ATP5PO: variants seen among roughly 807,000 people sequenced by gnomAD.
ATP5PO encodes the protein ATP synthase peripheral stalk subunit OSCP.
In ATP5PO, 14 loss-of-function variants were observed where a neutral mutation model predicts 26.2. That is an observed-to-expected ratio of 0.53 (90% confidence interval 0.35 to 0.83). The LOEUF (loss-of-function observed/expected upper bound fraction) is 0.83. Ranked by LOEUF, ATP5PO falls within the 40% of genes least tolerant of loss-of-function variation. ATP5PO has a pLI of 0.01. For missense variants in ATP5PO, 241 were observed against 258.5 expected (o/e 0.93, Z 0.46); for synonymous variants, 106 against 95.1 (o/e 1.12, Z -0.67).
chr21:33,909,240 A>G (rs1987216361), intron 3 of ATP5PO, 29 bp from the exon 4 acceptor site: 1 of 1,602,736 alleles, frequency 6.2e-7, no homozygotes, highest in African/African-American at 1.3e-5. Context: ...AATTTCTTAA[A>G]TTTTTTAGAG....
intron 5 of ATP5PO, chr21:33,906,352 C>A (rs1157760480): frequency 4.2e-6 from 1 of 240,198 alleles, no homozygotes; most frequent in East Asian, 1.4e-4. Flanking sequence ...ATATTGAAGA[C>A]AACAACAAAA....
chr21:33,914,496 C>A lies in ATP5PO; in HGVS notation c.41G>T (p.Arg14Leu). The A allele has an allele frequency of 6.2e-7, 1 of 1,612,622 alleles. No individual in the cohort carries two copies. ...PAVSGLSRQV[R>L]CFSTSVVRPF... The stretch of plus-strand genomic sequence containing the variant: ...TCTGACCACAGAGGTACTGAAGCAT[C>A]GCACCTTCAAAGCAATAAAGGAAAA... Residue 14 changes from arginine to leucine, a missense_variant, in exon 2 of 7, where the codon CGA (arginine) becomes CTA (leucine). This residue lies in a region of ATP5PO where 125 missense variants were observed against 108.5 expected (regional missense o/e 1.15). Transcript: ENST00000290299.
chr21:33,904,771 C>T (rs116957430), intron 5 of ATP5PO, among the ~76,000 whole-genome samples: 2,908 of 152,290 alleles, frequency 0.019, 35 homozygotes, highest in Middle Eastern at 0.031. Context: ...GACCGAGTCT[C>T]GCTCTGTCAC....
chr21:33,915,723 C>T lies in ATP5PO; in HGVS notation c.36+5G>A. 6.4e-7 allele frequency: 1 copy of T among 1,572,656 alleles called. No individual in the cohort carries two copies. The highest frequency in any genetic ancestry group is 8.6e-7 in the Non-Finnish European group (1 of 1,158,894). On this transcript the variant is annotated splice_donor_5th_base_variant and intron_variant, in intron 1 of 6. Transcript: ENST00000290299. ...CACTGGCTCTCAGGACCACCTTTCT[C>T]TCACCTGCCGGGAGAGCCCGGACAC...
At chr21:33,914,356 A>G in intron 2 of ATP5PO, 94 bp downstream of exon 2, 1 of 1,256,514 alleles carries the variant, frequency 8.0e-7, no homozygotes, top group Non-Finnish European at 1.1e-6. Flanking sequence ...AGGTTTAGAT[A>G]GTAACTACAC....
At chr21:33,903,894 A>C in intron 6 of ATP5PO, 41 bp downstream of exon 6, 2 of 1,535,954 alleles carry the variant, frequency 1.3e-6, no homozygotes, top group Non-Finnish European at 1.8e-6. Flanking sequence ...TTAAGCTTAA[A>C]ATAACCCGAG....
intron 1 of ATP5PO, 60 bp from the exon 2 acceptor site, chr21:33,914,560 A>G (rs774415235): frequency 4.0e-6 from 6 of 1,507,464 alleles, no homozygotes; most frequent in Non-Finnish European, 5.5e-6. Flanking sequence ...TCTGCATTTA[A>G]CTCAATAACA....
At position 33,907,444 on chromosome 21, in the gene ATP5PO, G is replaced by A. The variant is rs781429099; in HGVS notation, c.338C>T (p.Ala113Val). ...PLTTNLINLL[A>V]ENGRLSNTQG... ...GGTATTGCTTAATCGACCATTTTCA[G>A]CAAGCAAATCTGCCAGAGTGAAGGT... Residue 113 changes from alanine to valine, a missense_variant, in exon 5 of 7, where the codon GCT (alanine) becomes GTT (valine). Coordinates refer to ENST00000290299, the MANE Select transcript of ATP5PO (RefSeq NM_001697.3). 6.2e-7 allele frequency: 1 copy of A among 1,613,806 alleles called. No individual in the cohort carries two copies. Among genetic ancestry groups the A allele is most frequent in the Admixed American group, 1.7e-5 (1 of 59,996 alleles).
chr21:33,912,427 GA>G lies in ATP5PO; in HGVS notation c.88-29del, dbSNP rs1466320655. 4 of 1,530,264 alleles carry G rather than the reference GA, an allele frequency of 2.6e-6. No homozygotes were observed. The South Asian group carries it at 3.5e-5, about 13-fold the overall frequency. The allele number at this position is 1,530,264 out of a possible 1,614,324, so 94.8% of individuals were successfully genotyped here. On this transcript the variant is annotated intron_variant, in intron 2 of 6. Coordinates refer to ENST00000290299, the MANE Select transcript of ATP5PO (RefSeq NM_001697.3). ...TTAAAAAAAAGGTGAAATAGGAGAG[GA>G]AAGAAAAAGGAAAATCAGTTAATAG...
At position 33,909,210 on chromosome 21, in the gene ATP5PO, T is replaced by C; in HGVS notation, c.200A>G (p.Gln67Arg). The C allele has an allele frequency of 6.2e-7, 1 of 1,608,984 alleles. No homozygotes were observed. The highest frequency in any genetic ancestry group is 2.2e-5 in the East Asian group (1 of 44,856). Residue 67 changes from glutamine (Q) to arginine (R), a missense_variant and splice_region_variant, in exon 4 of 7, where the codon CAA (glutamine) becomes CGA (arginine). Gln to Arg is a conservative substitution (Grantham distance 43). Around this residue, in one of 3 missense-constraint regions of ATP5PO, gnomAD observed 125 missense variants for 108.5 expected, o/e 1.15. Transcript: ENST00000290299. ...AGCCACTTTGGGTTCCTTCAGGATT[T>C]GCTGAAAGCATCAAAAAATAATTTC... is the stretch of plus-strand genomic sequence containing the variant. ...QVEKELLRVAQILKEPKVAAS... is the reference protein window; with the variant it reads ...QVEKELLRVARILKEPKVAAS...
intron 5 of ATP5PO, chr21:33,906,869 T>C (rs1987180032): frequency 2.4e-6 from 1 of 425,338 alleles, no homozygotes; most frequent in African/African-American, 2.0e-5. Flanking sequence ...GGGTGCACTG[T>C]AATCCCAGCT....
chr21:33,909,436 T>C (rs1390323689), intron 3 of ATP5PO, among the ~76,000 whole-genome samples: 1 of 139,926 alleles, frequency 7.1e-6, no homozygotes, highest in African/African-American at 2.5e-5. Context: ...CCGCTAATTT[T>C]TGTATTTTTA....
chr21:33,911,662 G>T (rs1368496676), intron 3 of ATP5PO, among the ~76,000 whole-genome samples: 1 of 92,094 alleles, frequency 1.1e-5, no homozygotes, highest in Non-Finnish European at 2.0e-5. Flanking sequence ...ATAAGCATAG[G>T]TTTTTTTTTT....
chr21:33,913,334 T>A (rs1452590873), intron 2 of ATP5PO, among the ~76,000 whole-genome samples: 5 of 152,196 alleles, frequency 3.3e-5, no homozygotes, highest in Non-Finnish European at 7.4e-5. Flanking sequence ...CTTTACACGA[T>A]TTTTCCAAGG....
intron 3 of ATP5PO, among the ~76,000 whole-genome samples, chr21:33,909,737 C>G (rs1052342509): frequency 6.6e-6 from 1 of 152,208 alleles, no homozygotes; most frequent in Non-Finnish European, 1.5e-5. Flanking sequence ...TTTAAAAATA[C>G]TGTACGAACT....
intron 5 of ATP5PO, 141 bp from the exon 6 acceptor site, chr21:33,904,162 C>T (rs1987139110): frequency 4.6e-6 from 3 of 650,414 alleles, no homozygotes; most frequent in Non-Finnish European, 7.6e-6. Flanking sequence ...AGCTGCTCTG[C>T]AGCATTCACT....
At chr21:33,910,326 C>A (rs564612235) in intron 3 of ATP5PO, among the ~76,000 whole-genome samples, 1 of 152,094 alleles carries the variant, frequency 6.6e-6, no homozygotes, top group African/African-American at 2.4e-5. Flanking sequence ...ACAGAAATGA[C>A]ATTTTTCCAT....
chr21:33,908,437 G>T (rs1016528118), intron 4 of ATP5PO, among the ~76,000 whole-genome samples: 3 of 152,130 alleles, frequency 2.0e-5, no homozygotes, highest in Non-Finnish European at 2.9e-5. Flanking sequence ...AGGCTGCATG[G>T]TGGCTCATGC....
chr21:33,907,164 C>T (rs771193058), intron 5 of ATP5PO, 177 bp downstream of exon 5: 53 of 588,768 alleles, frequency 9.0e-5, no homozygotes, highest in African/African-American at 6.3e-4. Flanking sequence ...ATAAGATACA[C>T]GCTGGCTTTT....
Sources: allele counts gnomAD v4.1 joint callset (sites outside exome capture counted in the v4.1 genomes callset), GRCh38; gene constraint gnomAD v4.1.1; regional missense constraint gnomAD v4.1.1; transcripts MANE v1.5; gene names NCBI Gene and HGNC (gene_info 2026-07-23, HGNC 2026-07-21).